The following LRFN5 variants were observed in gnomAD, a reference collection of about 807,000 sequenced individuals.
LRFN5 encodes the protein leucine-rich repeat and fibronectin type-III domain-containing protein 5.
LRFN5 carries 24 observed loss-of-function variants against 45.6 expected under a neutral mutation model. The observed-to-expected ratio is 0.53, with a 90% CI of 0.38 to 0.74. LRFN5 has a LOEUF of 0.74. LRFN5 is among the 30% of genes least tolerant of loss of function. LRFN5 has a pLI of 0.00. For synonymous variants in LRFN5, 340 were observed against 313.8 expected (o/e 1.08, Z -0.88); for missense variants, 776 against 861.5 (o/e 0.90, Z 1.24).
chr14:41,739,826 G>A (rs1884612954), intron 1 of LRFN5, among the ~76,000 whole-genome samples: 3 of 151,546 alleles, frequency 2.0e-5, no homozygotes, highest in African/African-American at 7.3e-5. Flanking sequence ...AGACTAACAA[G>A]GACAAAGAGA....
Position 41,746,387 on chromosome 14 carries a change from A to G in LRFN5, c.-196-20467A>G, listed in dbSNP as rs549676413. Among the ~76,000 whole-genome samples the G allele has an allele frequency of 9.3e-4, 142 of 152,114 alleles. 2 individuals are homozygous for G. The highest frequency in any genetic ancestry group is 5.2e-3 in the Admixed American group (80 of 15,278). ...CATGTATGACAAAAAATACAGAAAT[A>G]TCATACTCAGTGGGGCAAGACTAAA... On this transcript the variant is annotated intron_variant, in intron 1 of 5. Coordinates refer to ENST00000298119, the MANE Select transcript of LRFN5 (RefSeq NM_152447.5).
At chr14:41,662,447 A>G (rs148659381) in intron 1 of LRFN5, among the ~76,000 whole-genome samples, 448 of 152,194 alleles carry the variant, frequency 2.9e-3, no homozygotes, top group African/African-American at 0.01. Flanking sequence ...AGAGATAGAT[A>G]TATTTTGCTA....
chr14:41,620,498 G>GACTATTTCCAGATAAAATATCCTAATCAT (rs1888087287), intron 1 of LRFN5, among the ~76,000 whole-genome samples: 1 of 152,046 alleles, frequency 6.6e-6, no homozygotes, highest in South Asian at 2.1e-4. Context: ...TCGAAGAATT[G>GACTATTTCCAGATAAAATATCCTAATCAT]AGGAGAGATG....
At chr14:41,742,580 G>A (rs892671334) in intron 1 of LRFN5, 2 of 152,136 alleles carry the variant, frequency 1.3e-5, no homozygotes, top group Non-Finnish European at 1.5e-5. Flanking sequence ...ACGTTGGAGC[G>A]ACTATGTGAC....
chr14:41,613,502 T>G (rs775688047), intron 1 of LRFN5, among the ~76,000 whole-genome samples: 6 of 152,008 alleles, frequency 3.9e-5, no homozygotes, highest in Non-Finnish European at 7.4e-5. Context: ...GCATTTTTTT[T>G]TGTGGGAACA....
At chr14:41,661,097 C>A (rs1880630466) in intron 1 of LRFN5, among the ~76,000 whole-genome samples, 2 of 151,198 alleles carry the variant, frequency 1.3e-5, no homozygotes, top group Admixed American at 1.3e-4. Flanking sequence ...AGTACTAGTT[C>A]TTTCAACTTA....
intron 2 of LRFN5, among the ~76,000 whole-genome samples, chr14:41,804,652 C>T (rs1887457253): frequency 6.6e-6 from 1 of 152,042 alleles, no homozygotes. Context: ...GTTAGCTTGA[C>T]CCAAGCCCTG....
At chr14:41,804,234 G>A (rs891880411) in intron 2 of LRFN5, among the ~76,000 whole-genome samples, 3 of 152,070 alleles carry the variant, frequency 2.0e-5, no homozygotes, top group African/African-American at 7.2e-5. Context: ...GTTTGGCAGA[G>A]AGGGAGATGC....
At chr14:41,611,009 C>G (rs995878335) in intron 1 of LRFN5, among the ~76,000 whole-genome samples, 2 of 152,106 alleles carry the variant, frequency 1.3e-5, no homozygotes, top group African/African-American at 2.4e-5. Context: ...AATATAGGTA[C>G]TTGGAAAATA....
At chr14:41,808,164 A>G (rs1887585509) in intron 2 of LRFN5, among the ~76,000 whole-genome samples, 1 of 145,768 alleles carries the variant, frequency 6.9e-6, no homozygotes, top group South Asian at 2.3e-4. Context: ...AGCATAAAGA[A>G]AGTGGAGGGA....
intron 1 of LRFN5, among the ~76,000 whole-genome samples, chr14:41,644,795 G>C (rs1429485717): frequency 6.6e-6 from 1 of 152,170 alleles, no homozygotes; most frequent in Non-Finnish European, 1.5e-5. Context: ...AGAACAGATG[G>C]ATGCAGAAAT....
At chr14:41,752,761 T>A (rs1885193498) in intron 1 of LRFN5, among the ~76,000 whole-genome samples, 1 of 152,162 alleles carries the variant, frequency 6.6e-6, no homozygotes, top group Non-Finnish European at 1.5e-5. Flanking sequence ...CAGAAGCTCT[T>A]TAGTTTAATT....
intron 1 of LRFN5, among the ~76,000 whole-genome samples, chr14:41,752,814 T>G (rs369132696): frequency 2.6e-5 from 4 of 152,056 alleles, no homozygotes; most frequent in African/African-American, 4.8e-5. Context: ...CATTGCTTTT[T>G]GTGTTTTAGA....
At chr14:41,622,392 T>C (rs770331082) in intron 1 of LRFN5, among the ~76,000 whole-genome samples, 1 of 152,062 alleles carries the variant, frequency 6.6e-6, no homozygotes, top group Non-Finnish European at 1.5e-5. Context: ...TCATTTTTCA[T>C]TGAGAAGCTC....
chr14:41,857,646 T>C (rs1889517461), intron 2 of LRFN5, among the ~76,000 whole-genome samples: 1 of 152,182 alleles, frequency 6.6e-6, no homozygotes, highest in African/African-American at 2.4e-5. Context: ...ACCTGTGTGG[T>C]GATAAAAACA....
intron 1 of LRFN5, among the ~76,000 whole-genome samples, chr14:41,679,738 G>C (rs1346018451): frequency 6.6e-6 from 1 of 152,098 alleles, no homozygotes; most frequent in East Asian, 1.9e-4. Flanking sequence ...GAAAGGACGA[G>C]TAAAGGGGAG....
intron 1 of LRFN5, among the ~76,000 whole-genome samples, chr14:41,671,455 C>G (rs1232298278): frequency 2.0e-5 from 3 of 152,054 alleles, no homozygotes; most frequent in African/African-American, 7.2e-5. Flanking sequence ...TCTCATCAAG[C>G]AATTAATCTT....
rs948788092 is a variant in LRFN5 at position 41,610,859 on chromosome 14, C to T, written c.-197+2297C>T. 1.3e-4 allele frequency among the ~76,000 whole-genome samples: 19 copies of T among 151,596 alleles called. 2 individuals carry two copies. The South Asian group carries it at 3.7e-3, about 30-fold the overall frequency. On this transcript the variant is annotated intron_variant, in intron 1 of 5. Coordinates refer to ENST00000298119, the MANE Select transcript of LRFN5 (RefSeq NM_152447.5). ...AGAAATCTGATTTGTGTATTCTAAACGTCTGACAAGGACCCCACTTTGTCC... is the reference window on the plus strand; with the variant it reads ...AGAAATCTGATTTGTGTATTCTAAATGTCTGACAAGGACCCCACTTTGTCC...
intron 2 of LRFN5, among the ~76,000 whole-genome samples, chr14:41,805,196 A>T (rs944153509): frequency 6.6e-6 from 1 of 151,114 alleles, no homozygotes; most frequent in African/African-American, 2.5e-5. Context: ...GATGTCAGCA[A>T]ATGTCTGAAC....
Sources: allele counts gnomAD v4.1 joint callset (sites outside exome capture counted in the v4.1 genomes callset), GRCh38; gene constraint gnomAD v4.1.1; transcripts MANE v1.5; gene names NCBI Gene and HGNC (gene_info 2026-07-23, HGNC 2026-07-21).